Variants in ZFP90 observed in about 807,000 individuals in gnomAD.
The protein encoded by ZFP90 is ZFP90 zinc finger protein, also known as zinc finger protein 90 homolog.
A neutral mutation model predicts 60.8 loss-of-function variants in ZFP90; 38 were observed. That is an observed-to-expected ratio of 0.62 (90% CI 0.48 to 0.82). The LOEUF (loss-of-function observed/expected upper bound fraction) is 0.82. Ranked by LOEUF, ZFP90 falls within the 40% of genes least tolerant of loss-of-function variation. The probability of loss-of-function intolerance (pLI) is 0.00; values close to 1 mark genes in which losing one functional copy is unlikely to be tolerated. For missense variants in ZFP90, 711 were observed against 759.1 expected (o/e 0.94, Z 0.74); for synonymous variants, 287 against 264.8 (o/e 1.08, Z -0.82).
intron 2 of ZFP90, chr16:68,555,235 C>T (rs920021872): frequency 2.0e-5 from 3 of 152,230 alleles, no homozygotes; most frequent in Non-Finnish European, 4.4e-5. Flanking sequence ...GAACCGTATT[C>T]AAGGACTGCA....
rs1198680747 is a variant in ZFP90 at position 68,558,042 on chromosome 16, A to G, written c.78A>G (p.Glu26=). ...FKDVSVDFTQ[E]EWYHVDPAQR... ...ATGTGTCTGTGGACTTCACCCAGGA[A>G]GAATGGTACCATGTCGACCCTGCTC... is the stretch of plus-strand genomic sequence containing the variant. The change falls in exon 3 of 5, where the codon GAA becomes GAG. Residue 26 remains glutamate, a synonymous_variant. Transcript: ENST00000563169. The G allele has an allele frequency of 4.2e-5, 68 of 1,613,820 alleles. No individual in the cohort carries two copies. Among genetic ancestry groups the G allele is most frequent in the Non-Finnish European group, 5.8e-5 (68 of 1,179,978 alleles).
At chr16:68,554,580 G>A (rs1249506922) in intron 2 of ZFP90, among the ~76,000 whole-genome samples, 4 of 152,202 alleles carry the variant, frequency 2.6e-5, no homozygotes, top group African/African-American at 9.6e-5. Flanking sequence ...GAAGTTATGA[G>A]TGGCTTGGAG....
rs577961049 is a variant in ZFP90 at position 68,553,313 on chromosome 16, G to A, written c.34-4685G>A. On this transcript the variant is annotated intron_variant, in intron 2 of 4. Coordinates refer to ENST00000563169, the MANE Select transcript of ZFP90 (RefSeq NM_001305203.2). ...TAAGGTGACATTTGAACAAAGAGCT[G>A]AAGCCAGTGAGTGGGGAGCCACGGG... is the stretch of plus-strand genomic sequence containing the variant. 1.1e-4 allele frequency among the ~76,000 whole-genome samples: 17 copies of A among 152,284 alleles called. No individual in the cohort carries two copies. In the East Asian group the frequency reaches 1.4e-3, roughly 12 times the overall value.
downstream of ZFP90, among the ~76,000 whole-genome samples, chr16:68,571,998 G>T (rs1159212292): frequency 6.6e-6 from 1 of 152,030 alleles, no homozygotes; most frequent in African/African-American, 2.4e-5. Context: ...TAAAACCCTG[G>T]TCATTTTGGA....
downstream of ZFP90, among the ~76,000 whole-genome samples, chr16:68,569,993 T>C (rs2091559215): frequency 1.3e-5 from 2 of 152,050 alleles, no homozygotes; most frequent in East Asian, 1.9e-4. Context: ...ACTGGATCTT[T>C]CCCATTAGCA....
intron 4 of ZFP90, among the ~76,000 whole-genome samples, chr16:68,560,887 C>CT (rs71148914): frequency 0.77 from 111,042 of 145,066 alleles, 42,368 homozygotes; most frequent in East Asian, 0.82. Flanking sequence ...GCTTTATCTT[C>CT]TTTTTTTTTT....
downstream of ZFP90, among the ~76,000 whole-genome samples, chr16:68,568,612 C>G (rs1053081880): frequency 2.0e-5 from 3 of 152,156 alleles, no homozygotes; most frequent in Non-Finnish European, 4.4e-5. Context: ...TTTATTGAGG[C>G]AGTGTTTTAA....
chr16:68,564,974 G>T lies in ZFP90; in HGVS notation c.*276G>T, dbSNP rs2091502493. 8.8e-7 allele frequency: 1 copy of T among 1,130,638 alleles called. No homozygotes were observed. Among genetic ancestry groups the T allele is most frequent in the African/African-American group, 1.6e-5 (1 of 61,868 alleles). 70.0% of individuals were successfully genotyped at this position (1,130,638 alleles called of 1,614,324 possible). A position where few individuals can be genotyped will look rare whatever the true frequency, so the allele number is the denominator to read the frequency against. Reference sequence around the variant, plus strand: ...TTTGCTTTTGAATATATGTATGCAGGATATCATCAAGTTTCAACATCTTGA... The same window carrying T: ...TTTGCTTTTGAATATATGTATGCAGTATATCATCAAGTTTCAACATCTTGA... On this transcript the variant is annotated 3_prime_UTR_variant, in exon 5 of 5. Transcript: ENST00000563169.
chr16:68,574,942 AGT>A lies in ZFP90; in HGVS notation c.224-847_224-846del, dbSNP rs1473298287. On this transcript the variant is annotated intron_variant, in intron 2 of 2. Transcript: ENST00000573113. ...ACCCTGTCTCAAAAAAAAAAAAAAA[AGT>A]GGAAAAAAAAAGAGACACTGTGAAA... Among the ~76,000 whole-genome samples, 780 of 148,176 alleles carry A rather than the reference AGT, an allele frequency of 5.3e-3. 9 individuals are homozygous for A. Among genetic ancestry groups the A allele is most frequent in the African/African-American group, 0.018 (717 of 40,420 alleles).
At chr16:68,573,489 A>G (rs1459376158) in intron 2 of ZFP90, among the ~76,000 whole-genome samples, 1 of 152,240 alleles carries the variant, frequency 6.6e-6, no homozygotes, top group Non-Finnish European at 1.5e-5. Flanking sequence ...AAAGCAAAAC[A>G]AAACTCTATA....
chr16:68,546,698 G>T (rs928337867), intron 2 of ZFP90, among the ~76,000 whole-genome samples: 65 of 152,272 alleles, frequency 4.3e-4, no homozygotes, highest in African/African-American at 1.5e-3. Flanking sequence ...TTTTAGTAGA[G>T]CCAGGGATTC....
upstream of ZFP90, among the ~76,000 whole-genome samples, chr16:68,535,120 C>A (rs549747672): frequency 1.3e-5 from 2 of 152,188 alleles, no homozygotes; most frequent in East Asian, 3.9e-4. Context: ...TTCTTTGAAG[C>A]CTGGACTGAA....
chr16:68,553,888 G>C (rs1409193997), intron 2 of ZFP90, among the ~76,000 whole-genome samples: 5 of 152,044 alleles, frequency 3.3e-5, no homozygotes, highest in African/African-American at 1.2e-4. Context: ...GCCTCCCAAA[G>C]TGCTAGGATC....
chr16:68,562,920 C>T (rs1200042469), intron 4 of ZFP90, 124 bp from the exon 5 acceptor site: 19 of 1,544,914 alleles, frequency 1.2e-5, no homozygotes, highest in Non-Finnish European at 1.5e-5. Flanking sequence ...GTCGTCTTCT[C>T]AGGATACAGG....
In ZFP90 at chr16:68,564,991, A is replaced by T. The variant is rs1199855137; in HGVS notation, c.*293A>T. 1.8e-6 allele frequency: 2 copies of T among 1,089,642 alleles called. No homozygotes were observed. The highest frequency in any genetic ancestry group is 2.2e-6 in the Non-Finnish European group (2 of 897,884). 67.5% of individuals were successfully genotyped at this position (1,089,642 alleles called of 1,614,324 possible). On this transcript the variant is annotated 3_prime_UTR_variant, in exon 5 of 5. Coordinates refer to ENST00000563169, the MANE Select transcript of ZFP90 (RefSeq NM_001305203.2). ...GTATGCAGGATATCATCAAGTTTCAACATCTTGACTTGTGACCCCCAATGT... is the reference window on the plus strand; with the variant it reads ...GTATGCAGGATATCATCAAGTTTCATCATCTTGACTTGTGACCCCCAATGT...
chr16:68,568,681 A>G (rs561136339), downstream of ZFP90, among the ~76,000 whole-genome samples: 11 of 152,268 alleles, frequency 7.2e-5, no homozygotes, highest in East Asian at 2.1e-3. Context: ...ACAATAAGTC[A>G]TGGCATATTC....
intron 4 of ZFP90, 75 bp downstream of exon 4, chr16:68,558,643 A>G: frequency 1.5e-6 from 2 of 1,336,286 alleles, no homozygotes; most frequent in Non-Finnish European, 2.1e-6. Flanking sequence ...GATACCCTCC[A>G]GCAGCTGGCT....
intron 2 of ZFP90, among the ~76,000 whole-genome samples, chr16:68,542,177 A>G (rs1176697054): frequency 6.6e-6 from 1 of 152,188 alleles, no homozygotes; most frequent in African/African-American, 2.4e-5. Context: ...CTGCAGAAGT[A>G]GAGCGCAAGA....
upstream of ZFP90, among the ~76,000 whole-genome samples, chr16:68,534,321 T>C (rs1375632535): frequency 2.0e-5 from 3 of 149,646 alleles, no homozygotes; most frequent in Non-Finnish European, 4.4e-5. Context: ...CTCTGCCTCC[T>C]GGGTTCAAGT....
Sources: gnomAD v4.1 joint callset for allele counts (sites outside exome capture counted in the v4.1 genomes callset) on GRCh38, gnomAD v4.1.1 for gene constraint, MANE v1.5 for transcripts, NCBI Gene and HGNC (gene_info 2026-07-23, HGNC 2026-07-21) for gene names.